FBXL2: variants seen among roughly 807,000 people sequenced by gnomAD.
The protein encoded by FBXL2 is F-box/LRR-repeat protein 2.
A neutral mutation model predicts 69.2 loss-of-function variants in FBXL2; 38 were observed. That is an observed-to-expected ratio of 0.55 (90% confidence interval 0.42 to 0.72). The LOEUF is 0.72. FBXL2 is among the 30% of genes least tolerant of loss of function. The pLI is 0.00. For synonymous variants in FBXL2, 192 were observed against 201.3 expected (o/e 0.95, Z 0.39); for missense variants, 354 against 520.3 (o/e 0.68, Z 3.11).
intron 10 of FBXL2, among the ~76,000 whole-genome samples, chr3:33,375,785 A>G (rs2042595974): frequency 1.3e-5 from 2 of 152,238 alleles, no homozygotes; most frequent in Admixed American, 1.3e-4. Flanking sequence ...AACTGCTGCC[A>G]AATGGACAGA....
chr3:33,345,749 T>G (rs1346007437), intron 2 of FBXL2, among the ~76,000 whole-genome samples: 1 of 152,040 alleles, frequency 6.6e-6, no homozygotes, highest in Non-Finnish European at 1.5e-5. Flanking sequence ...AGCCAAAAAT[T>G]CCCAAAATAT....
chr3:33,278,850 G>T (rs1454403887), intron 1 of FBXL2, among the ~76,000 whole-genome samples: 1 of 152,316 alleles, frequency 6.6e-6, no homozygotes, highest in East Asian at 1.9e-4. Context: ...AAATATTGCA[G>T]TAATTTACTG....
At chr3:33,379,025 T>G (rs954010960) in intron 13 of FBXL2, among the ~76,000 whole-genome samples, 38 of 151,976 alleles carry the variant, frequency 2.5e-4, no homozygotes, top group Non-Finnish European at 1.9e-4. Context: ...TTTTTTTTTT[T>G]GAAACAGGGT....
chr3:33,379,566 G>A (rs964395944), intron 13 of FBXL2, among the ~76,000 whole-genome samples: 6 of 151,352 alleles, frequency 4.0e-5, no homozygotes, highest in Non-Finnish European at 8.8e-5. Flanking sequence ...TGTTGGCCTG[G>A]CTGGTCTCGA....
chr3:33,406,255 A>G (rs1211465007), downstream of FBXL2, among the ~76,000 whole-genome samples: 1 of 152,164 alleles, frequency 6.6e-6, no homozygotes, highest in Non-Finnish European at 1.5e-5. Context: ...AAAAATAAAT[A>G]AATAACTAAA....
intron 2 of FBXL2, among the ~76,000 whole-genome samples, chr3:33,324,666 C>A (rs900075172): frequency 3.9e-5 from 6 of 152,128 alleles, no homozygotes; most frequent in African/African-American, 1.4e-4. Flanking sequence ...GTCTATATAT[C>A]TGTTTTGGTA....
chr3:33,342,904 T>TGGG lies in FBXL2; in HGVS notation c.66-16063_66-16062insGGG, dbSNP rs1465234498. 9.1e-3 allele frequency among the ~76,000 whole-genome samples: 1,329 copies of TGGG among 146,010 alleles called. 17 individuals carry two copies. Among genetic ancestry groups the TGGG allele is most frequent in the African/African-American group, 0.031 (1,240 of 39,454 alleles). On this transcript the variant is annotated intron_variant, in intron 2 of 14. Coordinates refer to ENST00000484457, the MANE Select transcript of FBXL2 (RefSeq NM_012157.5). ...CACCACGCCCAGCTGTTTTTTTTTTTTTTTTTTTGGTATTTTTAGTAGAGA... is the reference window on the plus strand; with the variant it reads ...CACCACGCCCAGCTGTTTTTTTTTTTGGGTTTTTTTTGGTATTTTTAGTAGAGA...
Position 33,375,318 on chromosome 3 carries a change from T to C in FBXL2, c.688T>C (p.Cys230Arg). 1.9e-6 allele frequency: 3 copies of C among 1,614,238 alleles called. No homozygotes were observed. The highest frequency in any genetic ancestry group is 1.7e-6 in the Non-Finnish European group (2 of 1,180,028). The change falls in exon 10 of 15, where the codon TGC becomes CGC. Residue 230 changes from cysteine (C) to arginine (R), a missense_variant. Cys to Arg is a radical substitution (Grantham distance 180, BLOSUM62 -3). Coordinates refer to ENST00000484457, the MANE Select transcript of FBXL2 (RefSeq NM_012157.5). The part of the protein sequence containing the change: ...RITDEGVVQI[C>R]RGCHRLQALC... ...CACGGATGAAGGTGTGGTGCAGATA[T>C]GCAGGGGCTGTCACCGGCTACAGGC...
chr3:33,380,393 C>G (rs182803051), intron 13 of FBXL2, among the ~76,000 whole-genome samples: 200 of 151,552 alleles, frequency 1.3e-3, no homozygotes, highest in Admixed American at 2.8e-3. Flanking sequence ...CCTGTCTCTA[C>G]TAAAAATACA....
the FBXL2 span, among the ~76,000 whole-genome samples, chr3:33,413,192 T>C: frequency 3.3e-5 from 5 of 152,116 alleles, no homozygotes; most frequent in Non-Finnish European, 7.4e-5. Context: ...AATGAAAAGA[T>C]GGAGACAGAG....
intron 2 of FBXL2, among the ~76,000 whole-genome samples, chr3:33,314,471 A>G (rs946801928): frequency 2.0e-5 from 3 of 152,216 alleles, no homozygotes; most frequent in Non-Finnish European, 4.4e-5. Context: ...AGGTTCATCC[A>G]TGTTGTCACA....
chr3:33,321,661 T>A (rs2038231123), intron 2 of FBXL2, among the ~76,000 whole-genome samples: 1 of 152,204 alleles, frequency 6.6e-6, no homozygotes, highest in African/African-American at 2.4e-5. Context: ...ATCGTAGAGT[T>A]GACTTACACA....
intron 1 of FBXL2, among the ~76,000 whole-genome samples, chr3:33,290,172 T>A (rs116644041): frequency 0.012 from 1,781 of 152,306 alleles, 11 homozygotes; most frequent in Middle Eastern, 0.054. Context: ...GCTTCAACAG[T>A]GCTCAGATTT....
At chr3:33,278,653 A>G (rs529557616) in intron 1 of FBXL2, among the ~76,000 whole-genome samples, 168 of 152,292 alleles carry the variant, frequency 1.1e-3, no homozygotes, top group South Asian at 1.9e-3. Context: ...GACTCTGGAA[A>G]AGCAACTTCC....
Position 33,373,865 on chromosome 3 carries a change from A to G in FBXL2, c.601A>G (p.Lys201Glu). The G allele has an allele frequency of 6.2e-7, 1 of 1,614,244 alleles. No homozygotes were observed. The highest frequency in any genetic ancestry group is 8.5e-7 in the Non-Finnish European group (1 of 1,180,040). Residue 201 changes from lysine to glutamate, a missense_variant, in exon 9 of 15, where the codon AAA (lysine) becomes GAA (glutamate). Transcript: ENST00000484457. ...GCTQLEDEAL[K>E]HIQNYCHELV... ...CACTCAGTTAGAAGATGAAGCTCTGAAACACATTCAGAATTACTGCCATGA... is the reference window on the plus strand; with the variant it reads ...CACTCAGTTAGAAGATGAAGCTCTGGAACACATTCAGAATTACTGCCATGA...
chr3:33,398,069 G>T (rs553501687), intron 12 of FBXL2: 3 of 152,274 alleles, frequency 2.0e-5, no homozygotes, highest in African/African-American at 7.2e-5. Context: ...GGTAGGAGAT[G>T]GCTGCATGGG....
chr3:33,398,731 GAT>G (rs1297552399), intron 12 of FBXL2, among the ~76,000 whole-genome samples: 1 of 152,232 alleles, frequency 6.6e-6, no homozygotes, highest in South Asian at 2.1e-4. Flanking sequence ...AAACTCACCA[GAT>G]AGAAACATGG....
At chr3:33,401,094 G>T in intron 12 of FBXL2, 1 of 1,355,584 alleles carries the variant, frequency 7.4e-7, no homozygotes, top group Non-Finnish European at 1.0e-6. Context: ...AAAAGCTGTT[G>T]CATTGTAACT....
intron 1 of FBXL2, among the ~76,000 whole-genome samples, chr3:33,285,948 T>G (rs1470360871): frequency 6.6e-6 from 1 of 152,230 alleles, no homozygotes; most frequent in Non-Finnish European, 1.5e-5. Context: ...CTAATCTTTC[T>G]TCAAGGTTTT....
Sources: allele counts gnomAD v4.1 joint callset (sites outside exome capture counted in the v4.1 genomes callset), GRCh38; gene constraint gnomAD v4.1.1; transcripts MANE v1.5; gene names NCBI Gene and HGNC (gene_info 2026-07-23, HGNC 2026-07-21).